The following CDHR5 variants were observed in gnomAD, a reference collection of about 807,000 sequenced individuals.
CDHR5 encodes cadherin related family member 5, also known as cadherin-related family member 5.
CDHR5 carries 82 observed loss-of-function variants against 69.5 expected under a neutral mutation model. The observed-to-expected ratio is 1.18, with a 90% CI of 0.99 to 1.42. CDHR5 has a LOEUF of 1.42. CDHR5 is among the 40% of genes most tolerant of loss of function. The pLI is 0.00. For missense variants in CDHR5, 1,293 were observed against 1,168.9 expected (o/e 1.11, Z -1.55); for synonymous variants, 601 against 510.2 (o/e 1.18, Z -2.40).
rs988305334 is a variant in CDHR5 at position 621,945 on chromosome 11, C to T, written c.313-41G>A. 1.3e-5 allele frequency: 20 copies of T among 1,509,668 alleles called. No individual in the cohort carries two copies. Among genetic ancestry groups the T allele is most frequent in the African/African-American group, 2.7e-5 (2 of 72,790 alleles). The allele number at this position is 1,509,668 out of a possible 1,614,324, so 93.5% of individuals were successfully genotyped here. A position where few individuals can be genotyped will look rare whatever the true frequency, so the allele number is the denominator to read the frequency against. On this transcript the variant is annotated intron_variant, in intron 3 of 14. Transcript: ENST00000397542. This position sits in a 1 kb window ranked among gnomAD's most constrained non-coding sequence, Gnocchi z 4.4. ...GTCAGCCTCTCCCACAGCCCCTCCC[C>T]GTTGTGAGGTGCACCCCTCGACGGC...
In CDHR5 at chr11:618,806, T is replaced by G. The variant is rs146283589; in HGVS notation, c.1753A>C (p.Ser585Arg). The G allele has an allele frequency of 6.4e-7, 1 of 1,574,352 alleles. No individual in the cohort carries two copies. Among genetic ancestry groups the G allele is most frequent in the East Asian group, 2.3e-5 (1 of 43,014 alleles). ...EPGTSQPMPP[S>R]MGTSTSHQPA... ...TGGTGGGAGGTGCTGGTTCCCATAC[T>G]GGGGGGCATCGGCTGAGAGGTTCCT... Residue 585 changes from serine to arginine, a missense_variant, in exon 13 of 15, where the codon AGT becomes CGT. Ser to Arg is a moderately radical substitution (Grantham distance 110, BLOSUM62 -1). Transcript: ENST00000397542.
At position 624,248 on chromosome 11, in the gene CDHR5, C is replaced by T; in HGVS notation, c.277G>A (p.Glu93Lys). The change falls in exon 3 of 15, where the codon GAG (glutamate) becomes AAG (lysine). Residue 93 changes from glutamate to lysine, a missense_variant. Coordinates refer to ENST00000397542, the MANE Select transcript of CDHR5 (RefSeq NM_021924.5). This position sits in a 1 kb window ranked among gnomAD's most constrained non-coding sequence, Gnocchi z 5.3. ...TPDYEEKSLL[E>K]AQLLCQSGGT... The stretch of plus-strand genomic sequence containing the variant: ...CCGCTCTGACACAGCAGCTGAGCCT[C>T]AAGCAGTGACTTCTCCTGTGGATGT... 1.3e-6 allele frequency: 1 copy of T among 771,640 alleles called. No homozygotes were observed. Among genetic ancestry groups the T allele is most frequent in the Non-Finnish European group, 2.4e-6 (1 of 414,308 alleles). The allele number at this position is 771,640 out of a possible 1,614,324, so 47.8% of individuals were successfully genotyped here.
rs775607864 is a variant in CDHR5 at position 624,656 on chromosome 11, G to A, written c.162C>T (p.Val54=). 5.0e-6 allele frequency: 8 copies of A among 1,613,536 alleles called. No homozygotes were observed. In the East Asian group the frequency reaches 1.8e-4, roughly 36 times the overall value. The change falls in exon 2 of 15, where the codon GTC becomes GTT. Residue 54 remains valine (V), a synonymous_variant. Coordinates refer to ENST00000397542, the MANE Select transcript of CDHR5 (RefSeq NM_021924.5). This position sits in a 1 kb window ranked among gnomAD's most constrained non-coding sequence, Gnocchi z 5.3. ...NVTEPLVDIH[V]PEGQEVTLGA... is the part of the protein sequence containing the mutation. ...CGAGGGTCACCTCCTGGCCCTCCGGGACGTGGATGTCCACCAGCGGCTCGG... is the reference window on the plus strand; with the variant it reads ...CGAGGGTCACCTCCTGGCCCTCCGGAACGTGGATGTCCACCAGCGGCTCGG...
chr11:617,345 G>A lies in CDHR5; in HGVS notation c.*6C>T, dbSNP rs767885581. On this transcript the variant is annotated 3_prime_UTR_variant, in exon 15 of 15. Transcript: ENST00000397542. ...GTGCGGCTGGGGGAGAGGGTGGAGGGGCCACTTAGATGTAGGAGTCATCAC... is the reference window on the plus strand; with the variant it reads ...GTGCGGCTGGGGGAGAGGGTGGAGGAGCCACTTAGATGTAGGAGTCATCAC... The A allele has an allele frequency of 4.4e-6, 7 of 1,584,490 alleles. No homozygotes were observed. Among genetic ancestry groups the A allele is most frequent in the Non-Finnish European group, 5.2e-6 (6 of 1,158,940 alleles).
At position 624,948 on chromosome 11, in the gene CDHR5, C is replaced by G. The variant is rs1333414120; in HGVS notation, c.-46G>C. The G allele has an allele frequency of 1.4e-6, 2 of 1,451,868 alleles. No individual in the cohort carries two copies. Among genetic ancestry groups the G allele is most frequent in the Non-Finnish European group, 1.9e-6 (2 of 1,075,970 alleles). The allele number at this position is 1,451,868 out of a possible 1,614,324, so 89.9% of individuals were successfully genotyped here. On this transcript the variant is annotated 5_prime_UTR_variant, in exon 1 of 15. Transcript: ENST00000397542. This position sits in a 1 kb window ranked among gnomAD's most constrained non-coding sequence, Gnocchi z 5.3. ...AGGAGGGTCTGAGCGGGTCTGGCGT[C>G]TAGGACTGGCGCAGTTCCTACCTCA...
At position 621,588 on chromosome 11, in the gene CDHR5, A is replaced by G. The variant is rs1157298634; in HGVS notation, c.481T>C (p.Phe161Leu). Residue 161 changes from phenylalanine (F) to leucine (L), a missense_variant, in exon 5 of 15, where the codon TTC (phenylalanine) becomes CTC (leucine). Coordinates refer to ENST00000397542, the MANE Select transcript of CDHR5 (RefSeq NM_021924.5). The surrounding 1 kb of genome is among the most constrained non-coding windows in gnomAD (Gnocchi z 4.4). ...GCTGTCATTTCCTGGAGGGTGTAGA[A>G]CAGAATGTCGTCCTTGTCGCGGTCC... ...AEDRDKDDILFYTLQEMTAGA... is the reference protein window; with the variant it reads ...AEDRDKDDILLYTLQEMTAGA... 6.2e-7 allele frequency: 1 copy of G among 1,613,174 alleles called. No individual in the cohort carries two copies. Among genetic ancestry groups the G allele is most frequent in the South Asian group, 1.1e-5 (1 of 91,016 alleles).
rs1218271513 is a variant in CDHR5, at chr11:617,427, C to T, written c.2462G>A (p.Ser821Asn). The change falls in exon 15 of 15, where the codon AGC becomes AAC. Residue 821 changes from serine to asparagine, a missense_variant. Physicochemically the swap from Ser to Asn is conservative, Grantham distance 46. Coordinates refer to ENST00000397542, the MANE Select transcript of CDHR5 (RefSeq NM_021924.5). ...LDVDGASDSG[S>N]GDEGEGAGRG... is the part of the protein sequence containing the mutation. The stretch of plus-strand genomic sequence containing the variant: ...CCCCGCGCCCTCGCCCTCATCGCCG[C>T]TGCCGGAGTCACTGGCGCCATCCAC... 6.2e-7 allele frequency: 1 copy of T among 1,611,434 alleles called. No homozygotes were observed. The highest frequency in any genetic ancestry group is 1.3e-5 in the African/African-American group (1 of 74,748).
rs779752160 is a variant in CDHR5 at position 618,884 on chromosome 11, T to C, written c.1675A>G (p.Thr559Ala). The stretch of plus-strand genomic sequence containing the variant: ...CTGGGTGTGGCTGGTTGGTGGGAGG[T>C]GCTGGTTCCCACACCGGGGGGCATC... ...QPMPPGVGTSTSHQPATPSGG... is the reference protein window; with the variant it reads ...QPMPPGVGTSASHQPATPSGG... The change falls in exon 13 of 15, where the codon ACC becomes GCC. Residue 559 changes from threonine (T) to alanine (A), a missense_variant. Physicochemically the swap from Thr to Ala is moderately conservative, Grantham distance 58 (BLOSUM62 0). Transcript: ENST00000397542. 6 of 1,605,958 alleles carry C rather than the reference T, an allele frequency of 3.7e-6. No individual in the cohort carries two copies. In the South Asian group the frequency reaches 5.5e-5, roughly 15 times the overall value.
Position 621,577 on chromosome 11 carries a change from G to A in CDHR5, c.492C>T (p.Leu164=), listed in dbSNP as rs772557321. 1 of 1,613,542 alleles carries A rather than the reference G, an allele frequency of 6.2e-7. No homozygotes were observed. Among genetic ancestry groups the A allele is most frequent in the Non-Finnish European group, 8.5e-7 (1 of 1,179,540 alleles). The change falls in exon 5 of 15, where the codon CTC becomes CTT. Residue 164 remains leucine, a synonymous_variant. Coordinates refer to ENST00000397542, the MANE Select transcript of CDHR5 (RefSeq NM_021924.5). The surrounding 1 kb of genome is among the most constrained non-coding windows in gnomAD (Gnocchi z 4.4). ...RDKDDILFYT[L]QEMTAGASDY... ...CGGCACTGACTGCTGTCATTTCCTG[G>A]AGGGTGTAGAACAGAATGTCGTCCT... is the stretch of plus-strand genomic sequence containing the variant.
rs960446029 is a variant in CDHR5, at chr11:622,827, A to G, written c.313-923T>C. ...ACAATGTCGTTGTCACACCTGGGAA[A>G]AGCGGTCACTTTCTACCTCAAATGT... On this transcript the variant is annotated intron_variant, in intron 3 of 14. Transcript: ENST00000397542. Among the ~76,000 whole-genome samples the G allele has an allele frequency of 1.1e-4, 17 of 152,206 alleles. No homozygotes were observed. In the South Asian group the frequency reaches 3.3e-3, roughly 30 times the overall value.
chr11:618,084 A>G lies in CDHR5; in HGVS notation c.1988T>C (p.Phe663Ser). 3.7e-6 allele frequency: 6 copies of G among 1,611,790 alleles called. No individual in the cohort carries two copies. The highest frequency in any genetic ancestry group is 5.1e-6 in the Non-Finnish European group (6 of 1,179,376). ...SGGGPSEDKR[F>S]SVVDMAALGG... Reference sequence around the variant, plus strand: ...CAGGGCCGCCATATCCACCACCGAGAAGCGCTTGTCCTCCGAGGGGCCGCC... The same window carrying G: ...CAGGGCCGCCATATCCACCACCGAGGAGCGCTTGTCCTCCGAGGGGCCGCC... Residue 663 changes from phenylalanine to serine, a missense_variant, in exon 14 of 15, where the codon TTC becomes TCC. Coordinates refer to ENST00000397542, the MANE Select transcript of CDHR5 (RefSeq NM_021924.5).
In CDHR5 at chr11:624,812, A is replaced by C. The variant is rs1381739113; in HGVS notation, c.85+6T>G. On this transcript the variant is annotated splice_donor_region_variant and intron_variant, in intron 1 of 14. Coordinates refer to ENST00000397542, the MANE Select transcript of CDHR5 (RefSeq NM_021924.5). This position sits in a 1 kb window ranked among gnomAD's most constrained non-coding sequence, Gnocchi z 5.3. ...CCGTGCCCCACCTACCCCTGCCCGC[A>C]CATACACTGGGCCTGGGCCATGGTC... 1 of 1,609,626 alleles carries C rather than the reference A, an allele frequency of 6.2e-7. No individual in the cohort carries two copies.
rs779384326 is a variant in CDHR5 at position 619,787 on chromosome 11, A to G, written c.1073T>C (p.Leu358Pro). 1 of 1,609,096 alleles carries G rather than the reference A, an allele frequency of 6.2e-7. No homozygotes were observed. The highest frequency in any genetic ancestry group is 1.1e-5 in the South Asian group (1 of 90,894). Residue 358 changes from leucine (L) to proline (P), a missense_variant, in exon 10 of 15, where the codon CTG becomes CCG. Leu to Pro is a moderately conservative substitution (Grantham distance 98). Transcript: ENST00000397542. ...GCCACGCGCCACGGTGCCACGATAC[A>G]GTCTCTGGGGGAAGCGGGGCGGGCT... Reference protein sequence around the residue: ...AGSPPRFPQRLYRGTVARGAG... With the variant: ...AGSPPRFPQRPYRGTVARGAG...
At position 619,535 on chromosome 11, in the gene CDHR5, A is replaced by G. The variant is rs759928007; in HGVS notation, c.1232T>C (p.Met411Thr). ...GGTGGTCAGCACAACCTCTCCCTCC[A>G]TCCGGAAGTGTGAGTGGTTGGTAAT... ...YRITNHSHFR[M>T]EGEVVLTTTT... is the part of the protein sequence containing the mutation. The change falls in exon 11 of 15, where the codon ATG becomes ACG. Residue 411 changes from methionine to threonine, a missense_variant. Met to Thr is a moderately conservative substitution (Grantham distance 81). Transcript: ENST00000397542. The G allele has an allele frequency of 5.6e-6, 9 of 1,613,308 alleles. No individual in the cohort carries two copies. Among genetic ancestry groups the G allele is most frequent in the Admixed American group, 5.0e-5 (3 of 59,998 alleles).
At position 618,141 on chromosome 11, in the gene CDHR5, C is replaced by T. The variant is rs1437622192; in HGVS notation, c.1961-30G>A. Reference sequence around the variant, plus strand: ...CATCGCAGTGGAAAACGTCATCATCCCCGCACTGTTGAGTGCCCCAGGCAT... The same window carrying T: ...CATCGCAGTGGAAAACGTCATCATCTCCGCACTGTTGAGTGCCCCAGGCAT... On this transcript the variant is annotated intron_variant, in intron 13 of 14. Coordinates refer to ENST00000397542, the MANE Select transcript of CDHR5 (RefSeq NM_021924.5). 4.4e-6 allele frequency: 7 copies of T among 1,580,966 alleles called. No homozygotes were observed. In the Admixed American group the frequency reaches 8.7e-5, roughly 20 times the overall value.
rs781171559 is a variant in CDHR5 at position 618,954 on chromosome 11, G to A, written c.1605C>T (p.Pro535=). 12 of 1,610,898 alleles carry A rather than the reference G, an allele frequency of 7.4e-6. No homozygotes were observed. The highest frequency in any genetic ancestry group is 6.7e-5 in the East Asian group (3 of 44,768). Residue 535 remains proline, a synonymous_variant, in exon 13 of 15, where the codon CCC becomes CCT. Transcript: ENST00000397542. Reference sequence around the variant, plus strand: ...TTGGGGTCTGTGCTGTGTCCCCACCGGGAGTGGCTGGTTGGTGGGAGGTGC... The same window carrying A: ...TTGGGGTCTGTGCTGTGTCCCCACCAGGAGTGGCTGGTTGGTGGGAGGTGC... The part of the protein sequence containing the change: ...ENSTSHQPAT[P]GGDTAQTPKP...
Position 617,953 on chromosome 11 carries a change from C to G in CDHR5, c.2118+1G>C. ...GCCCTGTTCTCCATCCTGGGCCTCA[C>G]CGGAGCTTTGCCACAGCAGCACTTG... On this transcript the variant is annotated splice_donor_variant, in intron 14 of 14. Coordinates refer to ENST00000397542, the MANE Select transcript of CDHR5 (RefSeq NM_021924.5). LOFTEE classifies it high-confidence loss of function. 1 of 1,610,634 alleles carries G rather than the reference C, an allele frequency of 6.2e-7. No individual in the cohort carries two copies. The highest frequency in any genetic ancestry group is 8.5e-7 in the Non-Finnish European group (1 of 1,179,322).
chr11:619,627 C>A, intron 10 of CDHR5, 40 bp from the exon 11 acceptor site: 19 of 1,607,134 alleles, frequency 1.2e-5, no homozygotes, highest in Non-Finnish European at 1.6e-5. Context: ...AGGCTGCCTC[C>A]CACGTACAGC....
In CDHR5 at chr11:624,247, T is replaced by G; in HGVS notation, c.278A>C (p.Glu93Ala). The G allele has an allele frequency of 1.3e-6, 1 of 771,686 alleles. No homozygotes were observed. The highest frequency in any genetic ancestry group is 2.4e-6 in the Non-Finnish European group (1 of 414,344). 47.8% of individuals were successfully genotyped at this position (771,686 alleles called of 1,614,324 possible). The change falls in exon 3 of 15, where the codon GAG (glutamate) becomes GCG (alanine). Residue 93 changes from glutamate (E) to alanine (A), a missense_variant. Coordinates refer to ENST00000397542, the MANE Select transcript of CDHR5 (RefSeq NM_021924.5). The surrounding 1 kb of genome is among the most constrained non-coding windows in gnomAD (Gnocchi z 5.3). Reference protein sequence around the residue: ...TPDYEEKSLLEAQLLCQSGGT... With the variant: ...TPDYEEKSLLAAQLLCQSGGT... ...TCCGCTCTGACACAGCAGCTGAGCC[T>G]CAAGCAGTGACTTCTCCTGTGGATG...
Sources: gnomAD v4.1 joint callset for allele counts (sites outside exome capture counted in the v4.1 genomes callset) on GRCh38, gnomAD v4.1.1 for gene constraint, Gnocchi (gnomAD v3.1) non-coding constraint, MANE v1.5 for transcripts, NCBI Gene and HGNC (gene_info 2026-07-23, HGNC 2026-07-21) for gene names.